Variants in C4orf36 observed in about 807,000 individuals in gnomAD.
C4orf36 encodes chromosome 4 open reading frame 36, also known as uncharacterized protein C4orf36.
A neutral mutation model predicts 12.2 loss-of-function variants in C4orf36; 11 were observed. The ratio of observed to expected loss-of-function variants is 0.90; its 90% CI spans 0.57 to 1.49. The LOEUF is 1.49. Among genes scored for constraint, C4orf36 ranks in the 40% most tolerant of loss-of-function variants. The pLI is 0.00. For synonymous variants in C4orf36, 54 were observed against 51.3 expected, an observed-to-expected ratio of 1.05 and a Z score of -0.22; for missense variants, 137 against 133.9, an observed-to-expected ratio of 1.02 and a Z score of -0.11.
At chr4:86,917,203 C>T in the C4orf36 span, among the ~76,000 whole-genome samples, 6 of 151,970 alleles carry the variant, frequency 3.9e-5, no homozygotes, top group Non-Finnish European at 7.4e-5. Flanking sequence ...TCCCTTGAGC[C>T]CAGGAATTCG....
At chr4:86,888,627 G>A (rs1747273653) in intron 2 of C4orf36, among the ~76,000 whole-genome samples, 1 of 152,184 alleles carries the variant, frequency 6.6e-6, no homozygotes, top group African/African-American at 2.4e-5. Context: ...AAGGAAAGAA[G>A]GGCATAATCA....
the C4orf36 span, among the ~76,000 whole-genome samples, chr4:86,911,687 C>CTCTCTCTT: frequency 6.6e-6 from 1 of 152,094 alleles, no homozygotes; most frequent in African/African-American, 2.4e-5. Flanking sequence ...GTCTCTCTGT[C>CTCTCTCTT]TCTCTCTTTT....
At chr4:86,876,557 A>T (rs1746933778) in intron 4 of C4orf36, 114 bp from the exon 5 acceptor site, 1 of 1,613,882 alleles carries the variant, frequency 6.2e-7, no homozygotes, top group Non-Finnish European at 8.5e-7. Flanking sequence ...GTTTACAAGG[A>T]CCTTTAGCCC....
chr4:86,893,864 T>TTATTTTTA (rs1467214035), upstream of C4orf36, among the ~76,000 whole-genome samples: 9 of 138,358 alleles, frequency 6.5e-5, 1 homozygote, highest in African/African-American at 2.1e-4. Flanking sequence ...TGGCCTGAAT[T>TTATTTTTA]TTTATTTATT....
the C4orf36 span, among the ~76,000 whole-genome samples, chr4:86,904,533 G>A: frequency 7.5e-6 from 1 of 134,194 alleles, no homozygotes; most frequent in East Asian, 2.3e-4. Flanking sequence ...AGTGAGCCAA[G>A]ATCGCGCCAC....
chr4:86,914,446 G>A, the C4orf36 span: 48 of 631,516 alleles, frequency 7.6e-5, no homozygotes, highest in Non-Finnish European at 1.1e-4. Context: ...TATCGCCCAG[G>A]CTGGAGTGCA....
chr4:86,890,909 T>C (rs896630839), intron 2 of C4orf36, among the ~76,000 whole-genome samples: 1 of 152,134 alleles, frequency 6.6e-6, no homozygotes, highest in Non-Finnish European at 1.5e-5. Flanking sequence ...ACGAAGAAGA[T>C]GGCCTTAGGG....
At chr4:86,903,127 T>A in the C4orf36 span, among the ~76,000 whole-genome samples, 1 of 152,370 alleles carries the variant, frequency 6.6e-6, no homozygotes, top group South Asian at 2.1e-4. Context: ...TGTGTGCTAT[T>A]TTCACAAGAA....
the C4orf36 span, among the ~76,000 whole-genome samples, chr4:86,901,477 G>A: frequency 1.3e-5 from 2 of 151,318 alleles, no homozygotes; most frequent in Admixed American, 6.6e-5. Context: ...GCGCGATCTC[G>A]GCTCACTGCA....
chr4:86,918,537 C>T, the C4orf36 span, among the ~76,000 whole-genome samples: 1 of 152,174 alleles, frequency 6.6e-6, no homozygotes, highest in Non-Finnish European at 1.5e-5. Flanking sequence ...AGAAATACAA[C>T]TATGTGTCTA....
the C4orf36 span, among the ~76,000 whole-genome samples, chr4:86,911,751 A>G: frequency 2.0e-5 from 3 of 152,170 alleles, no homozygotes; most frequent in Non-Finnish European, 2.9e-5. Flanking sequence ...CAGTGGCACA[A>G]TCATGGCTCA....
chr4:86,904,600 A>G, the C4orf36 span, among the ~76,000 whole-genome samples: 136 of 151,696 alleles, frequency 9.0e-4, no homozygotes, highest in Non-Finnish European at 1.6e-3. Context: ...AAAAAAAAAA[A>G]AAAAAGTTGT....
At chr4:86,894,332 C>G (rs527882819), upstream of C4orf36, among the ~76,000 whole-genome samples, 6 of 152,266 alleles carry the variant, frequency 3.9e-5, 1 homozygote, top group African/African-American at 1.4e-4. Flanking sequence ...TACACATATA[C>G]ACATACGTGT....
chr4:86,914,296 G>A, the C4orf36 span: 293 of 1,600,786 alleles, frequency 1.8e-4, 2 homozygotes, highest in African/African-American at 1.9e-3. Context: ...GTGACGATGC[G>A]GTCGCTCTTG....
the C4orf36 span, among the ~76,000 whole-genome samples, chr4:86,912,188 A>AAAACAAAC: frequency 6.6e-6 from 1 of 151,990 alleles, no homozygotes; most frequent in Non-Finnish European, 1.5e-5. Flanking sequence ...TAAAAAAACA[A>AAAACAAAC]AAACAAACAA....
At chr4:86,913,825 CTTTTTTTTT>C in the C4orf36 span, 4 of 617,692 alleles carry the variant, frequency 6.5e-6, no homozygotes, top group Middle Eastern at 4.7e-4. Context: ...TTTTCATCCA[CTTTTTTTTT>C]TTTTTTTTTT....
At chr4:86,916,536 T>C in the C4orf36 span, among the ~76,000 whole-genome samples, 1 of 152,178 alleles carries the variant, frequency 6.6e-6, no homozygotes, top group African/African-American at 2.4e-5. Flanking sequence ...GAGCACCTTA[T>C]CTGCCAACAG....
the C4orf36 span, among the ~76,000 whole-genome samples, chr4:86,916,454 G>C: frequency 6.6e-6 from 1 of 151,744 alleles, no homozygotes; most frequent in African/African-American, 2.4e-5. Flanking sequence ...CAGGAATGGA[G>C]GCTAGACATG....
chr4:86,934,470 T>C, the C4orf36 span: 1 of 152,202 alleles, frequency 6.6e-6, no homozygotes, highest in African/African-American at 2.4e-5. Flanking sequence ...GCCTGTGACA[T>C]TGAGCACAAT....
Sources: gnomAD v4.1 joint callset for allele counts (sites outside exome capture counted in the v4.1 genomes callset) on GRCh38, gnomAD v4.1.1 for gene constraint, MANE v1.5 for transcripts, NCBI Gene and HGNC (gene_info 2026-07-23, HGNC 2026-07-21) for gene names.